SEC14L6: variants seen among roughly 807,000 people sequenced by gnomAD.
SEC14L6 encodes the protein SEC14-like protein 6.
SEC14L6 carries 40 observed loss-of-function variants against 54.1 expected under a neutral mutation model. The observed-to-expected ratio is 0.74, with a 90% CI of 0.57 to 0.96. The LOEUF (loss-of-function observed/expected upper bound fraction) is 0.96, where lower values mean the gene tolerates loss of function less well. SEC14L6 is among the 40% of genes least tolerant of loss of function. The pLI is 0.00. For synonymous variants in SEC14L6, 171 were observed against 198.4 expected, an observed-to-expected ratio of 0.86 and a Z score of 1.16; for missense variants, 471 against 498.3, an observed-to-expected ratio of 0.95 and a Z score of 0.52.
Position 30,525,927 on chromosome 22 carries a change from A to C in SEC14L6, c.670T>G (p.Trp224Gly). The change falls in exon 9 of 12, where the codon TGG (tryptophan) becomes GGG (glycine). Residue 224 changes from tryptophan to glycine, a missense_variant. Transcript: ENST00000402034. ...ATGAATTTTGTCAGCTCCTGCTTCC[A>C]GTTGTCTGCATGGGAGCAAGAGAGG... The part of the protein sequence containing the change: ...RRKVVILGDN[W>G]KQELTKFISP... 1 of 1,604,082 alleles carries C rather than the reference A, an allele frequency of 6.2e-7. No homozygotes were observed. Among genetic ancestry groups the C allele is most frequent in the South Asian group, 1.1e-5 (1 of 89,484 alleles).
rs1354357860 is a variant in SEC14L6 at position 30,542,720 on chromosome 22, C to T, written c.55-3818G>A. On this transcript the variant is annotated intron_variant, in intron 1 of 11. Transcript: ENST00000402034. The stretch of plus-strand genomic sequence containing the variant: ...TCTGTATCAGTTGCAGCTGGAGAGT[C>T]GGCCGCTCTGCAGTGCACTGTGACC... 1.3e-5 allele frequency: 21 copies of T among 1,568,160 alleles called. No homozygotes were observed. In the Admixed American group the frequency reaches 1.9e-4, roughly 14 times the overall value.
At chr22:30,532,759 G>A (rs1326480947) in intron 4 of SEC14L6, 38 bp downstream of exon 4, 1 of 1,605,200 alleles carries the variant, frequency 6.2e-7, no homozygotes, top group Admixed American at 1.7e-5. Context: ...GAGGGCTGAG[G>A]GCCCAGGGAT....
At chr22:30,530,439 A>C (rs769746366) in intron 6 of SEC14L6, among the ~76,000 whole-genome samples, 7 of 151,978 alleles carry the variant, frequency 4.6e-5, no homozygotes, top group Non-Finnish European at 7.4e-5. Flanking sequence ...TATAATTTAC[A>C]TCCCAGGCTG....
At position 30,529,321 on chromosome 22, in the gene SEC14L6, G is replaced by C. The variant is rs1489826633; in HGVS notation, c.548C>G (p.Pro183Arg). 1.9e-6 allele frequency: 3 copies of C among 1,550,536 alleles called. No individual in the cohort carries two copies. Among genetic ancestry groups the C allele is most frequent in the East Asian group, 4.9e-5 (2 of 40,920 alleles). Reference sequence around the variant, plus strand: ...AACAATTAAACTCTTCAAGATCTCAGGGTAATTTGCTTCAAGTGCTGAGAA... The same window carrying C: ...AACAATTAAACTCTTCAAGATCTCACGGTAATTTGCTTCAAGTGCTGAGAA... ...EFFSALEANYPEILKSLIVVR... is the reference protein window; with the variant it reads ...EFFSALEANYREILKSLIVVR... The change falls in exon 7 of 12, where the codon CCT becomes CGT. Residue 183 changes from proline (P) to arginine (R), a missense_variant. Physicochemically the swap from Pro to Arg is moderately radical, Grantham distance 103. Transcript: ENST00000402034.
At chr22:30,525,545 G>A (rs761871293) in intron 10 of SEC14L6, 26 bp from the exon 11 acceptor site, 10 of 1,611,102 alleles carry the variant, frequency 6.2e-6, no homozygotes, top group South Asian at 2.2e-5. Flanking sequence ...CCCCATTGGC[G>A]ACCCCCTGCC....
At chr22:30,542,674 C>T in intron 1 of SEC14L6, 1 of 1,517,744 alleles carries the variant, frequency 6.6e-7, no homozygotes. Context: ...GGAGGAGCTG[C>T]AGGTGATTCA....
chr22:30,534,279 T>C (rs1415279367), intron 2 of SEC14L6, among the ~76,000 whole-genome samples: 1 of 152,228 alleles, frequency 6.6e-6, no homozygotes, highest in Non-Finnish European at 1.5e-5. Flanking sequence ...TTTCCTGTTG[T>C]TCCAGAAAAG....
rs76317013 is a variant in SEC14L6, at chr22:30,525,160, C to T, written c.1082-51G>A. On this transcript the variant is annotated intron_variant, in intron 11 of 11. Transcript: ENST00000402034. ...CAAGATGCCCCACCTGGGACTCTGACTTCCATGGTGGTAAATCTCTGCGTG... is the reference window on the plus strand; with the variant it reads ...CAAGATGCCCCACCTGGGACTCTGATTTCCATGGTGGTAAATCTCTGCGTG... 1.8e-3 allele frequency: 2,369 copies of T among 1,292,438 alleles called. 30 individuals are homozygous for T. In the African/African-American group the frequency reaches 0.03, roughly 16 times the overall value. The allele number at this position is 1,292,438 out of a possible 1,614,324, so 80.1% of individuals were successfully genotyped here. A position where few individuals can be genotyped will look rare whatever the true frequency, so the allele number is the denominator to read the frequency against.
intron 2 of SEC14L6, among the ~76,000 whole-genome samples, chr22:30,537,362 C>T (rs1273969014): frequency 1.3e-5 from 2 of 152,152 alleles, no homozygotes; most frequent in African/African-American, 4.8e-5. Context: ...TGCCTGTAAT[C>T]CCAGCACTTT....
Position 30,525,455 on chromosome 22 carries a change from C to T in SEC14L6, c.976G>A (p.Glu326Lys). The change falls in exon 11 of 12, where the codon GAG becomes AAG. Residue 326 changes from glutamate (E) to lysine (K), a missense_variant. Glu to Lys is a moderately conservative substitution (Grantham distance 56). Coordinates refer to ENST00000402034, the MANE Select transcript of SEC14L6 (RefSeq NM_001193336.4). ...FGVFLKTKMGERQRAREMTEV... is the reference protein window; with the variant it reads ...FGVFLKTKMGKRQRAREMTEV... Reference sequence around the variant, plus strand: ...GTCATCTCCCTAGCCCTCTGCCGCTCCCCCATCTTGGTCTTCAGGAAAACC... The same window carrying T: ...GTCATCTCCCTAGCCCTCTGCCGCTTCCCCATCTTGGTCTTCAGGAAAACC... The T allele has an allele frequency of 6.2e-7, 1 of 1,614,182 alleles. No individual in the cohort carries two copies. Among genetic ancestry groups the T allele is most frequent in the South Asian group, 1.1e-5 (1 of 91,090 alleles).
rs754062707 is a variant in SEC14L6, at chr22:30,525,675, A to G, written c.847T>C (p.Ser283Pro). Residue 283 changes from serine to proline, a missense_variant, in exon 10 of 12, where the codon TCC becomes CCC. Physicochemically the swap from Ser to Pro is moderately conservative, Grantham distance 74 (BLOSUM62 -1). Coordinates refer to ENST00000402034, the MANE Select transcript of SEC14L6 (RefSeq NM_001193336.4). ...TGCAGGGAGGAGCCGCGGCCCACGG[A>G]CCTCGTGTGCTCATACTGCAGCCTC... is the stretch of plus-strand genomic sequence containing the variant. ...QVRLQYEHTR[S>P]VGRGSSLQVE... The G allele has an allele frequency of 1.2e-6, 2 of 1,613,042 alleles. No individual in the cohort carries two copies. Among genetic ancestry groups the G allele is most frequent in the Non-Finnish European group, 1.7e-6 (2 of 1,179,712 alleles).
chr22:30,532,448 G>T, intron 5 of SEC14L6, 77 bp downstream of exon 5: 1 of 1,422,132 alleles, frequency 7.0e-7, no homozygotes. Flanking sequence ...AGCCCAGGAA[G>T]GCAGATTCTG....
At chr22:30,534,854 G>A (rs974272663) in intron 2 of SEC14L6, among the ~76,000 whole-genome samples, 1 of 152,058 alleles carries the variant, frequency 6.6e-6, no homozygotes, top group South Asian at 2.1e-4. Context: ...GTGAAATCTC[G>A]TCTGTACTAA....
At chr22:30,526,634 A>G (rs1268271865) in intron 8 of SEC14L6, among the ~76,000 whole-genome samples, 1 of 152,102 alleles carries the variant, frequency 6.6e-6, no homozygotes, top group African/African-American at 2.4e-5. Context: ...GAAGGCTGAG[A>G]AGGGAGAATT....
intron 2 of SEC14L6, among the ~76,000 whole-genome samples, chr22:30,535,376 C>G (rs1417192183): frequency 6.6e-6 from 1 of 152,218 alleles, no homozygotes; most frequent in Non-Finnish European, 1.5e-5. Context: ...TGGTGAGAAC[C>G]AAGTGGTTTC....
Position 30,532,565 on chromosome 22 carries a change from C to T in SEC14L6, c.383G>A (p.Cys128Tyr). 6.4e-7 allele frequency: 1 copy of T among 1,550,568 alleles called. No individual in the cohort carries two copies. The highest frequency in any genetic ancestry group is 8.7e-7 in the Non-Finnish European group (1 of 1,146,966). ...QELLRDSFRS[C>Y]ELLLRECELQ... ...CTCACACTCCCGCAGGAGCAGCTCG[C>T]AGCTCCGGAAGCTGTCCCTGAGCAA... Residue 128 changes from cysteine to tyrosine, a missense_variant, in exon 5 of 12, where the codon TGC becomes TAC. Physicochemically the swap from Cys to Tyr is radical, Grantham distance 194. Transcript: ENST00000402034.
chr22:30,538,742 G>T (rs2085643717), intron 2 of SEC14L6, 85 bp downstream of exon 2: 2 of 876,774 alleles, frequency 2.3e-6, no homozygotes, highest in South Asian at 3.2e-5. Context: ...CTATGTTTTG[G>T]AGTAATTTGA....
At chr22:30,535,455 A>C (rs1288020049) in intron 2 of SEC14L6, among the ~76,000 whole-genome samples, 1 of 152,204 alleles carries the variant, frequency 6.6e-6, no homozygotes, top group Non-Finnish European at 1.5e-5. Context: ...ACAACCATGA[A>C]AGCTGCCAGT....
chr22:30,538,858 A>G lies in SEC14L6; in HGVS notation c.99T>C (p.Pro33=), dbSNP rs2146288623. The G allele has an allele frequency of 3.2e-6, 5 of 1,557,750 alleles. No homozygotes were observed. In the East Asian group the frequency reaches 9.6e-5, roughly 30 times the overall value. ...IQDVLSALPN[P]DDYFLLRWLQ... is the part of the protein sequence containing the mutation. ...GCCAGCGCAGGAGGAAGTAGTCATCAGGATTGGGCAGCGCAGATAGCACAT... is the reference window on the plus strand; with the variant it reads ...GCCAGCGCAGGAGGAAGTAGTCATCGGGATTGGGCAGCGCAGATAGCACAT... The change falls in exon 2 of 12, where the codon CCT becomes CCC. Residue 33 remains proline, a synonymous_variant. Transcript: ENST00000402034.
Sources: gnomAD v4.1 joint callset for allele counts (sites outside exome capture counted in the v4.1 genomes callset) on GRCh38, gnomAD v4.1.1 for gene constraint, MANE v1.5 for transcripts, NCBI Gene and HGNC (gene_info 2026-07-23, HGNC 2026-07-21) for gene names.